Variants in NELL1 observed in about 807,000 individuals in gnomAD.
The protein encoded by NELL1 is neural EGFL like 1, also known as protein kinase C-binding protein NELL1.
NELL1 carries 76 observed loss-of-function variants against 107.4 expected under a neutral mutation model. The observed-to-expected ratio is 0.71, with a 90% CI of 0.59 to 0.86. The LOEUF is 0.86. Among genes scored for constraint, NELL1 ranks in the 40% least tolerant of loss-of-function variants. The pLI, the probability that NELL1 is intolerant of heterozygous loss-of-function variation, is 0.00. For synonymous variants in NELL1, 353 were observed against 341.2 expected, an observed-to-expected ratio of 1.03 and a Z score of -0.38; for missense variants, 1,024 against 1,005.5, an observed-to-expected ratio of 1.02 and a Z score of -0.25.
chr11:21,323,998 G>A (rs913988676), intron 14 of NELL1, among the ~76,000 whole-genome samples: 2 of 152,038 alleles, frequency 1.3e-5, no homozygotes, highest in African/African-American at 4.8e-5. Context: ...TCCTGCTTTG[G>A]ATGGCCATTT....
chr11:21,526,013 A>C (rs1385290513), intron 15 of NELL1, among the ~76,000 whole-genome samples: 1 of 152,216 alleles, frequency 6.6e-6, no homozygotes, highest in African/African-American at 2.4e-5. Context: ...AACTCATTTC[A>C]GCATTAACTC....
chr11:20,899,823 T>G (rs1429615149), intron 5 of NELL1, among the ~76,000 whole-genome samples: 1 of 152,124 alleles, frequency 6.6e-6, no homozygotes, highest in Non-Finnish European at 1.5e-5. Flanking sequence ...GTTAACAACT[T>G]TATGCCAATA....
At chr11:21,370,819 T>C in intron 14 of NELL1, 34 bp from the exon 15 acceptor site, 1 of 1,558,056 alleles carries the variant, frequency 6.4e-7, no homozygotes, top group Non-Finnish European at 8.8e-7. Flanking sequence ...TATTGCATTT[T>C]ATCTAAGATA....
At chr11:20,914,883 A>G (rs1470051712) in intron 5 of NELL1, among the ~76,000 whole-genome samples, 1 of 152,054 alleles carries the variant, frequency 6.6e-6, no homozygotes, top group Non-Finnish European at 1.5e-5. Flanking sequence ...GACAGTTTTC[A>G]AAATAGTCAT....
chr11:21,270,802 A>G (rs1445850483), intron 14 of NELL1, among the ~76,000 whole-genome samples: 1 of 152,146 alleles, frequency 6.6e-6, no homozygotes, highest in Non-Finnish European at 1.5e-5. Flanking sequence ...AGCACATTTA[A>G]AAGAACAGAA....
At chr11:20,846,274 G>T (rs368378586) in intron 3 of NELL1, among the ~76,000 whole-genome samples, 2 of 152,128 alleles carry the variant, frequency 1.3e-5, no homozygotes, top group African/African-American at 4.8e-5. Context: ...TGTGAAAGAT[G>T]AGCAAGAAAT....
chr11:21,284,429 AAAG>A (rs752658157), intron 14 of NELL1: 1 of 457,762 alleles, frequency 2.2e-6, no homozygotes, highest in Non-Finnish European at 4.4e-6. Context: ...GGGATGCAAA[AAAG>A]TGATGGCTGT....
intron 3 of NELL1, among the ~76,000 whole-genome samples, chr11:20,814,608 G>T (rs1409646571): frequency 6.6e-6 from 1 of 152,174 alleles, no homozygotes; most frequent in Non-Finnish European, 1.5e-5. Context: ...CTACGTCCAT[G>T]TTGCTATAAA....
chr11:20,776,487 A>G (rs116099688), intron 2 of NELL1, among the ~76,000 whole-genome samples: 2,441 of 151,960 alleles, frequency 0.016, 56 homozygotes, highest in African/African-American at 0.055. Context: ...TTATATATAT[A>G]TATCACTTAA....
intron 12 of NELL1, among the ~76,000 whole-genome samples, chr11:21,046,160 GA>G (rs1344065697): frequency 6.6e-6 from 1 of 152,094 alleles, no homozygotes; most frequent in Non-Finnish European, 1.5e-5. Flanking sequence ...TTTTTAAAGA[GA>G]AAAAATGTTT....
intron 12 of NELL1, among the ~76,000 whole-genome samples, chr11:21,021,809 C>T (rs537688820): frequency 1.3e-5 from 2 of 152,196 alleles, no homozygotes; most frequent in East Asian, 3.9e-4. Flanking sequence ...TTTGGGCTGA[C>T]CCTCAATTAA....
chr11:21,234,211 C>T (rs1343805120), intron 14 of NELL1, among the ~76,000 whole-genome samples: 1 of 152,176 alleles, frequency 6.6e-6, no homozygotes, highest in Non-Finnish European at 1.5e-5. Flanking sequence ...AGCATGGGCT[C>T]CTAGTTCGAA....
In NELL1 at chr11:21,249,308, G is replaced by C. The variant is rs558703655; in HGVS notation, c.1549+19854G>C. Among the ~76,000 whole-genome samples, 4 of 152,242 alleles carry C rather than the reference G, an allele frequency of 2.6e-5. No individual in the cohort carries two copies. In the South Asian group the frequency reaches 8.3e-4, roughly 32 times the overall value. On this transcript the variant is annotated intron_variant, in intron 14 of 19. Coordinates refer to ENST00000357134, the MANE Select transcript of NELL1 (RefSeq NM_006157.5). ...AGTGTTTTAGATGGAAGAATAATTAGTAGGTTTGACTACAAAACCTATGCA... is the reference window on the plus strand; with the variant it reads ...AGTGTTTTAGATGGAAGAATAATTACTAGGTTTGACTACAAAACCTATGCA...
intron 12 of NELL1, among the ~76,000 whole-genome samples, chr11:21,098,946 T>TG (rs1027642395): frequency 8.6e-4 from 131 of 151,984 alleles, no homozygotes; most frequent in African/African-American, 2.9e-3. Context: ...TCAGCATTTT[T>TG]TAACCTTCAG....
intron 14 of NELL1, among the ~76,000 whole-genome samples, chr11:21,264,300 T>C (rs930236937): frequency 1.3e-5 from 2 of 151,830 alleles, no homozygotes; most frequent in Non-Finnish European, 2.9e-5. Context: ...ACTTTCCTTA[T>C]CTATGAAGTG....
At chr11:21,026,647 G>T (rs936517936) in intron 12 of NELL1, among the ~76,000 whole-genome samples, 1 of 152,104 alleles carries the variant, frequency 6.6e-6, no homozygotes, top group African/African-American at 2.4e-5. Context: ...AATATTCTAT[G>T]CACTCATTCA....
At chr11:21,022,096 A>G (rs1370425657) in intron 12 of NELL1, among the ~76,000 whole-genome samples, 1 of 152,056 alleles carries the variant, frequency 6.6e-6, no homozygotes, top group East Asian at 1.9e-4. Context: ...TGGGAAGCAA[A>G]ATTTCCCCTG....
intron 12 of NELL1, among the ~76,000 whole-genome samples, chr11:21,032,828 T>C (rs59000267): frequency 0.024 from 3,590 of 152,350 alleles, 138 homozygotes; most frequent in African/African-American, 0.081. Context: ...ATGTGATTTA[T>C]CCATGTAGGC....
intron 12 of NELL1, among the ~76,000 whole-genome samples, chr11:20,977,521 C>T (rs1851663397): frequency 2.6e-5 from 4 of 152,148 alleles, no homozygotes; most frequent in Non-Finnish European, 5.9e-5. Context: ...TCCTGGGCCT[C>T]CCAAAATGCT....
Sources: allele counts gnomAD v4.1 joint callset (sites outside exome capture counted in the v4.1 genomes callset), GRCh38; gene constraint gnomAD v4.1.1; transcripts MANE v1.5; gene names NCBI Gene and HGNC (gene_info 2026-07-23, HGNC 2026-07-21).